CHCHD3: variants seen among roughly 807,000 people sequenced by gnomAD.
CHCHD3 encodes the protein MICOS complex subunit MIC19.
In CHCHD3, 20 loss-of-function variants were observed where a neutral mutation model predicts 38.2. The observed-to-expected ratio is 0.52, with a 90% CI of 0.37 to 0.76. The LOEUF (loss-of-function observed/expected upper bound fraction) is 0.76. Ranked by LOEUF, CHCHD3 falls within the 30% of genes least tolerant of loss-of-function variation. The pLI is 0.00. For synonymous variants in CHCHD3, 82 were observed against 100.0 expected (o/e 0.82, Z 1.07); for missense variants, 245 against 279.2 (o/e 0.88, Z 0.87).
At chr7:132,925,255 G>T (rs1810346642) in intron 4 of CHCHD3, among the ~76,000 whole-genome samples, 2 of 152,036 alleles carry the variant, frequency 1.3e-5, no homozygotes. Context: ...AAAAAAAGGA[G>T]GGAGACAGTT....
chr7:132,816,287 A>C (rs757346970), intron 6 of CHCHD3, among the ~76,000 whole-genome samples: 4 of 152,202 alleles, frequency 2.6e-5, no homozygotes, highest in African/African-American at 9.6e-5. Flanking sequence ...TGGGCTTAGC[A>C]GTCTCTTTCT....
intron 4 of CHCHD3, chr7:132,886,934 A>T: frequency 2.4e-6 from 3 of 1,236,284 alleles, no homozygotes; most frequent in Non-Finnish European, 3.1e-6. Context: ...AGTTTAGGTG[A>T]ACTACTTGCA....
chr7:132,918,396 A>G (rs1810172042), intron 4 of CHCHD3, among the ~76,000 whole-genome samples: 1 of 152,198 alleles, frequency 6.6e-6, no homozygotes. Flanking sequence ...GTTTGGGTAA[A>G]GCCCTGGCAC....
intron 2 of CHCHD3, among the ~76,000 whole-genome samples, chr7:133,029,164 G>A (rs10237904): frequency 0.28 from 42,589 of 152,004 alleles, 6,770 homozygotes; most frequent in Non-Finnish European, 0.37. Flanking sequence ...CTTTATTAAG[G>A]TATAATTGAC....
chr7:133,005,634 A>G (rs1174893121), intron 3 of CHCHD3, among the ~76,000 whole-genome samples: 1 of 152,116 alleles, frequency 6.6e-6, no homozygotes, highest in African/African-American at 2.4e-5. Flanking sequence ...CTTTTTTTGT[A>G]TGTAACAAGC....
chr7:133,013,101 G>A lies in CHCHD3; in HGVS notation c.251+11445C>T, dbSNP rs941325638. On this transcript the variant is annotated intron_variant, in intron 3 of 7. Coordinates refer to ENST00000262570, the MANE Select transcript of CHCHD3 (RefSeq NM_017812.4). Reference sequence around the variant, plus strand: ...CTTGGGAGGCTGAGGCAGGAGAATCGCTTGAACCCAGGAAGCAGAGGTTGC... The same window carrying A: ...CTTGGGAGGCTGAGGCAGGAGAATCACTTGAACCCAGGAAGCAGAGGTTGC... Among the ~76,000 whole-genome samples, 3 of 146,244 alleles carry A rather than the reference G, an allele frequency of 2.1e-5. No homozygotes were observed. The South Asian group carries it at 6.5e-4, about 32-fold the overall frequency.
intron 5 of CHCHD3, among the ~76,000 whole-genome samples, chr7:132,853,958 A>T (rs1808282637): frequency 1.3e-5 from 2 of 152,170 alleles, no homozygotes; most frequent in Admixed American, 1.3e-4. Context: ...CTTGAAAGAC[A>T]AAGATTGGTA....
At chr7:133,071,390 G>A (rs931782657) in intron 1 of CHCHD3, among the ~76,000 whole-genome samples, 6 of 152,186 alleles carry the variant, frequency 3.9e-5, no homozygotes, top group Admixed American at 3.9e-4. Context: ...GGGGAGGGAA[G>A]GTAGAGATTC....
chr7:133,003,872 C>G (rs1812634702), intron 3 of CHCHD3, among the ~76,000 whole-genome samples: 1 of 152,168 alleles, frequency 6.6e-6, no homozygotes, highest in South Asian at 2.1e-4. Context: ...TAACATTAAC[C>G]CTTTTTAAAA....
chr7:133,024,008 G>A (rs949288071), intron 3 of CHCHD3, among the ~76,000 whole-genome samples: 1 of 152,076 alleles, frequency 6.6e-6, no homozygotes, highest in Non-Finnish European at 1.5e-5. Context: ...AAAAAATCTC[G>A]AGCAATAAAA....
chr7:132,848,998 C>T (rs971351720), intron 5 of CHCHD3: 5 of 152,130 alleles, frequency 3.3e-5, no homozygotes, highest in African/African-American at 1.2e-4. Context: ...TATATCAGAT[C>T]CAGTATTCTG....
At chr7:133,031,288 C>T (rs569749305) in intron 2 of CHCHD3, among the ~76,000 whole-genome samples, 5 of 151,906 alleles carry the variant, frequency 3.3e-5, no homozygotes, top group East Asian at 1.9e-4. Context: ...GGGAATGGTA[C>T]GGGGAGACAT....
rs1815150800 is a variant in CHCHD3, at chr7:133,080,793, G to A, written c.81+1064C>T. ...AATTATTCTCAAGGTAACAGTTTCA[G>A]AAGAAAAAGTTTTTAAACATTTTAA... On this transcript the variant is annotated intron_variant, in intron 1 of 7. Transcript: ENST00000262570. 2.0e-5 allele frequency among the ~76,000 whole-genome samples: 3 copies of A among 152,080 alleles called. No homozygotes were observed. The South Asian group carries it at 6.2e-4, about 31-fold the overall frequency.
intron 2 of CHCHD3, among the ~76,000 whole-genome samples, chr7:133,033,578 T>G (rs937097367): frequency 1.3e-5 from 2 of 152,248 alleles, no homozygotes; most frequent in Admixed American, 1.3e-4. Flanking sequence ...AAGTGGGAAA[T>G]CTAGCTATTT....
In CHCHD3 at chr7:132,841,016, C is replaced by T. The variant is rs550562134; in HGVS notation, c.454-2547G>A. Reference sequence around the variant, plus strand: ...TAAAGCTTTAGGCTTTATGTATGCTCCATACTTCCACCTCAGCAACCAGTT... The same window carrying T: ...TAAAGCTTTAGGCTTTATGTATGCTTCATACTTCCACCTCAGCAACCAGTT... On this transcript the variant is annotated intron_variant, in intron 5 of 7. Transcript: ENST00000262570. Among the ~76,000 whole-genome samples the T allele has an allele frequency of 5.9e-5, 9 of 152,268 alleles. No homozygotes were observed. The East Asian group carries it at 1.7e-3, about 29-fold the overall frequency.
chr7:132,907,608 G>C (rs896249698), intron 4 of CHCHD3, among the ~76,000 whole-genome samples: 2 of 152,122 alleles, frequency 1.3e-5, no homozygotes, highest in Non-Finnish European at 2.9e-5. Context: ...AAATAAGTGA[G>C]AACTAGTCTG....
intron 3 of CHCHD3, among the ~76,000 whole-genome samples, chr7:132,992,448 T>C (rs1258940274): frequency 2.6e-5 from 4 of 152,090 alleles, no homozygotes; most frequent in African/African-American, 7.3e-5. Flanking sequence ...TTTAATGTTT[T>C]AACAACTACC....
At position 132,881,852 on chromosome 7, in the gene CHCHD3, T is replaced by C. The variant is rs149560833; in HGVS notation, c.453+3810A>G. ...ACTGCCATCACAATACAGAAGAAAA[T>C]CTCTTTACAATCTTTTGCATTACGC... On this transcript the variant is annotated intron_variant, in intron 5 of 7. Transcript: ENST00000262570. Among the ~76,000 whole-genome samples the C allele has an allele frequency of 8.7e-4, 133 of 152,188 alleles. No homozygotes were observed. The Middle Eastern group carries it at 0.027, about 31-fold the overall frequency.
chr7:133,019,460 T>C (rs1813122300), intron 3 of CHCHD3, among the ~76,000 whole-genome samples: 1 of 152,146 alleles, frequency 6.6e-6, no homozygotes, highest in Non-Finnish European at 1.5e-5. Context: ...TCAACAATGC[T>C]ATCAATGGAA....
Sources: allele counts gnomAD v4.1 joint callset (sites outside exome capture counted in the v4.1 genomes callset), GRCh38; gene constraint gnomAD v4.1.1; transcripts MANE v1.5; gene names NCBI Gene and HGNC (gene_info 2026-07-23, HGNC 2026-07-21).